DDX43: variants seen among roughly 807,000 people sequenced by gnomAD.
The protein encoded by DDX43 is probable ATP-dependent RNA helicase DDX43.
A neutral mutation model predicts 84.9 loss-of-function variants in DDX43; 50 were observed. That is an observed-to-expected ratio of 0.59 (90% CI 0.47 to 0.75). The LOEUF is 0.75. DDX43 is among the 30% of genes least tolerant of loss of function. DDX43 has a pLI of 0.00. For synonymous variants in DDX43, 291 were observed against 266.3 expected (o/e 1.09, Z -0.90); for missense variants, 689 against 798.6 (o/e 0.86, Z 1.65).
At chr6:73,416,728 A>G (rs1769911229) in intron 16 of DDX43, among the ~76,000 whole-genome samples, 1 of 152,178 alleles carries the variant, frequency 6.6e-6, no homozygotes, top group Non-Finnish European at 1.5e-5. Flanking sequence ...TTTGGTAGAG[A>G]GTTTTTCATG....
intron 11 of DDX43, chr6:73,413,382 G>A (rs1769841095): frequency 9.0e-6 from 2 of 222,026 alleles, no homozygotes; most frequent in Middle Eastern, 1.6e-3. Context: ...TGGCGACAGA[G>A]TGAGACTCTG....
At chr6:73,405,866 C>A in intron 6 of DDX43, 31 bp downstream of exon 6, 5 of 1,598,710 alleles carry the variant, frequency 3.1e-6, no homozygotes, top group Non-Finnish European at 4.3e-6. Flanking sequence ...ATATTTCACT[C>A]AATGTTTTTC....
rs368562272 is a variant in DDX43, at chr6:73,412,660, TGTGTGTGTGC to T, written c.1368+370_1368+379del. The stretch of plus-strand genomic sequence containing the variant: ...TATAGTGTGTGTGTGTGTGTGTGTG[TGTGTGTGTGC>T]GCGCGCGCGTGTGTGTGTGTGCGCG... On this transcript the variant is annotated intron_variant, in intron 11 of 16. Coordinates refer to ENST00000370336, the MANE Select transcript of DDX43 (RefSeq NM_018665.3). Among the ~76,000 whole-genome samples the T allele has an allele frequency of 4.9e-3, 439 of 89,656 alleles. 8 individuals carry two copies. The highest frequency in any genetic ancestry group is 0.017 in the African/African-American group (422 of 25,248). The allele number at this position is 89,656 out of a possible 152,430, so 58.8% of individuals were successfully genotyped here. A position where few individuals can be genotyped will look rare whatever the true frequency, so the allele number is the denominator to read the frequency against.
rs376354487 is a variant in DDX43, at chr6:73,412,231, G to C, written c.1307G>C (p.Arg436Pro). Residue 436 changes from arginine to proline, a missense_variant, in exon 11 of 17, where the codon CGC (arginine) becomes CCC (proline). Physicochemically the swap from Arg to Pro is moderately radical, Grantham distance 103. Around this residue, in one of 2 missense-constraint regions of DDX43, gnomAD observed 552 missense variants for 692.7 expected, o/e 0.80. Coordinates refer to ENST00000370336, the MANE Select transcript of DDX43 (RefSeq NM_018665.3). ...GCTACATGGCCTCATTCAGTTCATC[G>C]CCTCGCACAATCTTATTTGAAAGAA... ...TSATWPHSVH[R>P]LAQSYLKEPM... 1.2e-6 allele frequency: 2 copies of C among 1,613,438 alleles called. No homozygotes were observed. Among genetic ancestry groups the C allele is most frequent in the East Asian group, 2.2e-5 (1 of 44,848 alleles).
rs1483372868 is a variant in DDX43 at position 73,400,088 on chromosome 6, C to T, written c.307-146C>T. On this transcript the variant is annotated intron_variant, in intron 2 of 16. Transcript: ENST00000370336. ...ATTCCTCTCTAACTAGAAATTTAGA[C>T]ATTGATTGGTGGTAATACTGTATTT... 5 of 528,684 alleles carry T rather than the reference C, an allele frequency of 9.5e-6. No individual in the cohort carries two copies. In the South Asian group the frequency reaches 1.9e-4, roughly 20 times the overall value. The allele number at this position is 528,684 out of a possible 1,614,324, so 32.7% of individuals were successfully genotyped here.
chr6:73,400,265 A>G lies in DDX43; in HGVS notation c.338A>G (p.Lys113Arg), dbSNP rs143268677. ...CAAGAACAACCAGAATCATTAGTCA[A>G]AATTTTTGGCAGCAAGGCAATGCAA... ...IIQEQPESLV[K>R]IFGSKAMQTK... The change falls in exon 3 of 17, where the codon AAA (lysine) becomes AGA (arginine). Residue 113 changes from lysine to arginine, a missense_variant. Transcript: ENST00000370336. 1.1e-5 allele frequency: 18 copies of G among 1,605,616 alleles called. No individual in the cohort carries two copies. The highest frequency in any genetic ancestry group is 1.7e-4 in the Middle Eastern group (1 of 5,890).
chr6:73,412,365 T>A, intron 11 of DDX43, 73 bp downstream of exon 11: 1 of 1,258,932 alleles, frequency 7.9e-7, no homozygotes. Context: ...TTGGTGTGCC[T>A]AGTCTGCCCA....
In DDX43 at chr6:73,413,802, G is replaced by A. The variant is rs1304135633; in HGVS notation, c.1496+17G>A. On this transcript the variant is annotated intron_variant, in intron 12 of 16. Coordinates refer to ENST00000370336, the MANE Select transcript of DDX43 (RefSeq NM_018665.3). ...AAAAGCTGTGTAGGTATTTTTTCTT[G>A]TGTGTCCATTATAATTAATTAAATT... is the stretch of plus-strand genomic sequence containing the variant. 1.2e-6 allele frequency: 2 copies of A among 1,606,896 alleles called. No homozygotes were observed. Among genetic ancestry groups the A allele is most frequent in the Non-Finnish European group, 1.7e-6 (2 of 1,177,446 alleles).
intron 7 of DDX43, among the ~76,000 whole-genome samples, chr6:73,407,237 C>T (rs1419132590): frequency 6.6e-6 from 1 of 152,138 alleles, no homozygotes. Flanking sequence ...CCTGCCTCAG[C>T]CTCCCAAGTA....
chr6:73,415,150 G>C (rs980421039), intron 14 of DDX43, among the ~76,000 whole-genome samples: 1 of 151,998 alleles, frequency 6.6e-6, no homozygotes, highest in African/African-American at 2.4e-5. Flanking sequence ...ACAAAAAATT[G>C]ACCTGGGCGT....
At chr6:73,395,288 T>C in intron 1 of DDX43, 133 bp downstream of exon 1, 4 of 1,160,756 alleles carry the variant, frequency 3.4e-6, no homozygotes, top group South Asian at 1.6e-5. Context: ...CCCAGAGCTA[T>C]TTGTAAAACC....
At position 73,412,397 on chromosome 6, in the gene DDX43, C is replaced by T. The variant is rs143270337; in HGVS notation, c.1368+105C>T. On this transcript the variant is annotated intron_variant, in intron 11 of 16. Coordinates refer to ENST00000370336, the MANE Select transcript of DDX43 (RefSeq NM_018665.3). ...CCCACTCCCCAATTTTAGGGCAAAT[C>T]ACACTTGCATATAGTTTTAATAGAG... The T allele has an allele frequency of 6.0e-4, 466 of 782,052 alleles. 3 individuals are homozygous for T. The East Asian group carries it at 9.0e-3, about 15-fold the overall frequency. 48.4% of individuals were successfully genotyped at this position (782,052 alleles called of 1,614,324 possible).
At chr6:73,397,229 T>C (rs1356973952) in intron 1 of DDX43, among the ~76,000 whole-genome samples, 10 of 152,222 alleles carry the variant, frequency 6.6e-5, no homozygotes, top group Non-Finnish European at 1.3e-4. Flanking sequence ...TTTCTGTTTT[T>C]GATAATGGTC....
At position 73,401,860 on chromosome 6, in the gene DDX43, T is replaced by TA. The variant is rs1285638033; in HGVS notation, c.439dup (p.Thr147AsnfsTer15). 6 of 1,604,270 alleles carry TA rather than the reference T, an allele frequency of 3.7e-6. No homozygotes were observed. Among genetic ancestry groups the TA allele is most frequent in the Non-Finnish European group, 5.1e-6 (6 of 1,174,868 alleles). On this transcript the variant is annotated frameshift_variant and splice_region_variant, in exon 4 of 17. Transcript: ENST00000370336. LOFTEE classifies it high-confidence loss of function. ...AATCGATACAAATGTTTTTAACAGA[T>TA]ACTGCATTCCAACCTTCTGTTGGAA...
chr6:73,405,671 C>A lies in DDX43; in HGVS notation c.651-8C>A. The A allele has an allele frequency of 6.2e-7, 1 of 1,610,902 alleles. No individual in the cohort carries two copies. The highest frequency in any genetic ancestry group is 8.5e-7 in the Non-Finnish European group (1 of 1,178,934). ...AGGAAAGCCACTGATGTTTTTTATTCTTTGAAGGAAAGAAAATTTTAATAT... is the reference window on the plus strand; with the variant it reads ...AGGAAAGCCACTGATGTTTTTTATTATTTGAAGGAAAGAAAATTTTAATAT... On this transcript the variant is annotated splice_polypyrimidine_tract_variant and splice_region_variant and intron_variant, in intron 5 of 16. Coordinates refer to ENST00000370336, the MANE Select transcript of DDX43 (RefSeq NM_018665.3).
chr6:73,402,596 T>C (rs1769598205), intron 4 of DDX43, among the ~76,000 whole-genome samples: 1 of 152,098 alleles, frequency 6.6e-6, no homozygotes, highest in Non-Finnish European at 1.5e-5. Context: ...ATTTTATTTT[T>C]TGAGGTAGGG....
chr6:73,414,996 T>C (rs1225527746), intron 14 of DDX43, among the ~76,000 whole-genome samples: 1 of 152,028 alleles, frequency 6.6e-6, no homozygotes, highest in African/African-American at 2.4e-5. Flanking sequence ...ACCTTTTTCC[T>C]CTTAAGAGAG....
chr6:73,408,394 T>C (rs1769720357), intron 9 of DDX43, among the ~76,000 whole-genome samples: 1 of 151,862 alleles, frequency 6.6e-6, no homozygotes, highest in Non-Finnish European at 1.5e-5. Flanking sequence ...ATCATGCCAT[T>C]GCACTCCAGC....
chr6:73,412,023 G>A (rs1273892913), intron 10 of DDX43, among the ~76,000 whole-genome samples, 182 bp from the exon 11 acceptor site: 2 of 152,132 alleles, frequency 1.3e-5, no homozygotes, highest in Admixed American at 1.3e-4. Flanking sequence ...AAACATATTT[G>A]TTTCATCTAA....
Sources: allele counts gnomAD v4.1 joint callset (sites outside exome capture counted in the v4.1 genomes callset), GRCh38; gene constraint gnomAD v4.1.1; regional missense constraint gnomAD v4.1.1; transcripts MANE v1.5; gene names NCBI Gene and HGNC (gene_info 2026-07-23, HGNC 2026-07-21).